Variants in DTNA observed in about 807,000 individuals in gnomAD.
DTNA encodes dystrophin-related protein 3.
DTNA carries 43 observed loss-of-function variants against 100.7 expected under a neutral mutation model. The observed-to-expected ratio is 0.43, with a 90% CI of 0.33 to 0.55. The LOEUF is 0.55. Ranked by LOEUF, DTNA falls within the 20% of genes least tolerant of loss-of-function variation. DTNA has a pLI of 0.04. For synonymous variants in DTNA, 349 were observed against 347.9 expected (o/e 1.00, Z -0.04); for missense variants, 798 against 953.9 (o/e 0.84, Z 2.15).
intron 1 of DTNA, among the ~76,000 whole-genome samples, chr18:34,746,881 C>T (rs771881933): frequency 6.6e-6 from 1 of 152,094 alleles, no homozygotes; most frequent in African/African-American, 2.4e-5. Context: ...AGTACCTAGC[C>T]TCTTACCAAG....
intron 4 of DTNA, among the ~76,000 whole-genome samples, chr18:34,804,171 G>T (rs1485243366): frequency 6.6e-6 from 1 of 152,148 alleles, no homozygotes; most frequent in East Asian, 1.9e-4. Context: ...TTGACAAATG[G>T]ATGGGAGGGT....
intron 1 of DTNA, among the ~76,000 whole-genome samples, chr18:34,560,495 A>G (rs2146210891): frequency 6.6e-6 from 1 of 152,292 alleles, no homozygotes; most frequent in Non-Finnish European, 1.5e-5. Context: ...GCCTACACAT[A>G]GTTTACTCAA....
chr18:34,816,977 T>C (rs2095611132), intron 7 of DTNA, among the ~76,000 whole-genome samples: 1 of 152,244 alleles, frequency 6.6e-6, no homozygotes, highest in Admixed American at 6.5e-5. Context: ...TGTTTATCCA[T>C]ATGCAGAAGC....
intron 1 of DTNA, among the ~76,000 whole-genome samples, chr18:34,726,105 G>T (rs974751451): frequency 7.2e-5 from 11 of 152,134 alleles, no homozygotes; most frequent in Non-Finnish European, 1.2e-4. Flanking sequence ...CGGGGAGTGG[G>T]GGGCTGGAGG....
intron 1 of DTNA, among the ~76,000 whole-genome samples, chr18:34,632,174 C>G (rs2058156140): frequency 6.6e-6 from 1 of 152,012 alleles, no homozygotes; most frequent in African/African-American, 2.4e-5. Flanking sequence ...TTATAAATCC[C>G]TTGGCACCAG....
At chr18:34,799,183 C>A (rs964062322) in intron 4 of DTNA, among the ~76,000 whole-genome samples, 9 of 152,278 alleles carry the variant, frequency 5.9e-5, no homozygotes, top group Admixed American at 1.3e-4. Context: ...ACAAGTCCAT[C>A]ACATAATAGT....
intron 1 of DTNA, among the ~76,000 whole-genome samples, chr18:34,527,420 C>T (rs2042732024): frequency 6.6e-6 from 1 of 151,966 alleles, no homozygotes; most frequent in Non-Finnish European, 1.5e-5. Context: ...TAAAGAATGA[C>T]ATTTTAATAG....
chr18:34,647,457 T>G (rs553083584), intron 1 of DTNA, among the ~76,000 whole-genome samples: 7 of 152,264 alleles, frequency 4.6e-5, no homozygotes, highest in East Asian at 3.9e-4. Context: ...TAGAAGTACC[T>G]CGTATCACCT....
At chr18:34,885,709 C>T (rs2096915678) in intron 22 of DTNA, among the ~76,000 whole-genome samples, 1 of 152,204 alleles carries the variant, frequency 6.6e-6, no homozygotes, top group Non-Finnish European at 1.5e-5. Flanking sequence ...AAGAGCTTGG[C>T]ATAGTGGAAG....
At chr18:34,677,104 C>G (rs185798260) in intron 1 of DTNA, among the ~76,000 whole-genome samples, 1 of 152,114 alleles carries the variant, frequency 6.6e-6, no homozygotes, top group Admixed American at 6.6e-5. Flanking sequence ...GATTAGACAA[C>G]TAACTTCTTT....
chr18:34,700,921 G>A (rs975750412), intron 1 of DTNA, among the ~76,000 whole-genome samples: 1 of 152,160 alleles, frequency 6.6e-6, no homozygotes, highest in Non-Finnish European at 1.5e-5. Flanking sequence ...ATCATCTGCA[G>A]CCTTCAACTC....
chr18:34,798,283 G>A (rs1304514137), intron 4 of DTNA, among the ~76,000 whole-genome samples: 2 of 152,148 alleles, frequency 1.3e-5, no homozygotes, highest in Non-Finnish European at 2.9e-5. Context: ...TTACAGGCAT[G>A]AGCCACCATG....
intron 9 of DTNA, among the ~76,000 whole-genome samples, chr18:34,827,012 A>C (rs1451196020): frequency 6.6e-6 from 1 of 152,198 alleles, no homozygotes; most frequent in Non-Finnish European, 1.5e-5. Flanking sequence ...CACATACTCT[A>C]TCATATGGAT....
At chr18:34,710,552 G>T (rs1302659745) in intron 1 of DTNA, 107 bp downstream of exon 1, 1 of 152,048 alleles carries the variant, frequency 6.6e-6, no homozygotes, top group African/African-American at 2.4e-5. Flanking sequence ...CCCCACATGG[G>T]CACCCGATAA....
intron 1 of DTNA, among the ~76,000 whole-genome samples, chr18:34,569,262 T>G (rs1388409641): frequency 2.6e-5 from 4 of 152,138 alleles, no homozygotes; most frequent in Non-Finnish European, 5.9e-5. Context: ...AGGTTGCAGA[T>G]GTGAGAGAGG....
chr18:34,597,974 A>G (rs2050987879), intron 1 of DTNA, among the ~76,000 whole-genome samples: 1 of 152,230 alleles, frequency 6.6e-6, no homozygotes, highest in Non-Finnish European at 1.5e-5. Flanking sequence ...ACACACAGGA[A>G]CCACTCAAAA....
Position 34,516,273 on chromosome 18 carries a change from G to A in DTNA, c.-2+22759G>A, listed in dbSNP as rs147462819. On this transcript the variant is annotated intron_variant, in intron 1 of 19. Coordinates refer to the DTNA transcript ENST00000283365. ...TTAGTGATTTTAAAAGGGGAGGAAT[G>A]TATGAATAGGTTGTGCATCACAGAG... Among the ~76,000 whole-genome samples, 122 of 152,238 alleles carry A rather than the reference G, an allele frequency of 8.0e-4. 3 individuals are homozygous for A. In the East Asian group the frequency reaches 0.021, roughly 26 times the overall value.
At chr18:34,753,575 G>A (rs1426673955) in intron 1 of DTNA, among the ~76,000 whole-genome samples, 2 of 142,494 alleles carry the variant, frequency 1.4e-5, no homozygotes, top group African/African-American at 3.0e-5. Flanking sequence ...GTAGAGACGG[G>A]GTTTCACCGT....
intron 1 of DTNA, chr18:34,493,858 C>G (rs2038835549): frequency 6.8e-6 from 1 of 148,110 alleles, no homozygotes; most frequent in South Asian, 2.1e-4. Context: ...GGGGTTCCCA[C>G]CTGTGCGCCG....
Sources: allele counts gnomAD v4.1 joint callset (sites outside exome capture counted in the v4.1 genomes callset), GRCh38; gene constraint gnomAD v4.1.1; transcripts MANE v1.5; gene names NCBI Gene and HGNC (gene_info 2026-07-23, HGNC 2026-07-21).